Variants in SLC4A4 observed in about 807,000 individuals in gnomAD.
SLC4A4 encodes the protein electrogenic sodium bicarbonate cotransporter 1.
SLC4A4 carries 27 observed loss-of-function variants against 111.5 expected under a neutral mutation model. The observed-to-expected ratio is 0.24, with a 90% CI of 0.18 to 0.33. SLC4A4 has a LOEUF of 0.33. Ranked by LOEUF, SLC4A4 falls within the 10% of genes least tolerant of loss-of-function variation. SLC4A4 has a pLI of 1.00. For missense variants in SLC4A4, 909 were observed against 1,315.5 expected (o/e 0.69, Z 4.78); for synonymous variants, 443 against 463.4 (o/e 0.96, Z 0.57).
At chr4:71,508,271 C>T (rs1482966125) in intron 16 of SLC4A4, among the ~76,000 whole-genome samples, 1 of 151,918 alleles carries the variant, frequency 6.6e-6, no homozygotes, top group Non-Finnish European at 1.5e-5. Flanking sequence ...CATGAAAAAC[C>T]CTTCAAAAGA....
At chr4:71,512,159 A>G (rs1427804599) in intron 16 of SLC4A4, among the ~76,000 whole-genome samples, 2 of 152,142 alleles carry the variant, frequency 1.3e-5, no homozygotes, top group East Asian at 3.9e-4. Flanking sequence ...TTGCTGGATC[A>G]AGTGGCAATT....
At chr4:71,080,789 A>G (rs1192371683) in intron 1 of SLC4A4, among the ~76,000 whole-genome samples, 3 of 152,064 alleles carry the variant, frequency 2.0e-5, no homozygotes, top group African/African-American at 7.3e-5. Flanking sequence ...TGCTTTAGGT[A>G]TGCTGTAACC....
intron 2 of SLC4A4, among the ~76,000 whole-genome samples, chr4:71,154,914 GA>G (rs1578531406): frequency 6.6e-6 from 1 of 151,902 alleles, no homozygotes; most frequent in Non-Finnish European, 1.5e-5. Flanking sequence ...ATTTAAAAAT[GA>G]AAAAAAGAAA....
At chr4:71,432,331 T>G (rs187151754) in intron 7 of SLC4A4, among the ~76,000 whole-genome samples, 2 of 152,236 alleles carry the variant, frequency 1.3e-5, no homozygotes, top group Non-Finnish European at 2.9e-5. Context: ...GGAGAGAGTT[T>G]GAGGAAGATT....
Position 71,570,339 on chromosome 4 carries a change from A to C in SLC4A4, c.*2588A>C, listed in dbSNP as rs2149264706. ...GAATAGTACCTTACATTTGCTAAAC[A>C]GACAGTTAATATCAAATCCTTTCAA... On this transcript the variant is annotated 3_prime_UTR_variant, in exon 26 of 26. Coordinates refer to ENST00000264485, the MANE Select transcript of SLC4A4 (RefSeq NM_001098484.3). 6.6e-6 allele frequency: 1 copy of C among 151,236 alleles called. No individual in the cohort carries two copies. Among genetic ancestry groups the C allele is most frequent in the Middle Eastern group, 3.4e-3 (1 of 294 alleles). The allele number at this position is 151,236 out of a possible 1,614,324, so 9.4% of individuals were successfully genotyped here.
In SLC4A4 at chr4:71,535,431, T is replaced by C. The variant is rs555550574; in HGVS notation, c.2442+1043T>C. On this transcript the variant is annotated intron_variant, in intron 18 of 25. Coordinates refer to ENST00000264485, the MANE Select transcript of SLC4A4 (RefSeq NM_001098484.3). ...GGTAAGAAAGGAGTAAATCCCATAATAATAAGACCAGGAGAAGAAAATTAA... is the reference window on the plus strand; with the variant it reads ...GGTAAGAAAGGAGTAAATCCCATAACAATAAGACCAGGAGAAGAAAATTAA... Among the ~76,000 whole-genome samples the C allele has an allele frequency of 3.9e-5, 6 of 152,170 alleles. No homozygotes were observed. The East Asian group carries it at 1.2e-3, about 29-fold the overall frequency.
At chr4:71,252,322 T>C (rs1250611988) in intron 2 of SLC4A4, among the ~76,000 whole-genome samples, 1 of 152,144 alleles carries the variant, frequency 6.6e-6, no homozygotes, top group East Asian at 1.9e-4. Context: ...TATTACCCCA[T>C]CCACCAAAGC....
In SLC4A4 at chr4:71,399,171, C is replaced by T. The variant is rs559109812; in HGVS notation, c.807+1518C>T. ...TTTATATCAGAGTCTTTAGCATTGTCCAATTTTGTTATCTGATGGAGGTTG... is the reference window on the plus strand; with the variant it reads ...TTTATATCAGAGTCTTTAGCATTGTTCAATTTTGTTATCTGATGGAGGTTG... On this transcript the variant is annotated intron_variant, in intron 7 of 25. Coordinates refer to ENST00000264485, the MANE Select transcript of SLC4A4 (RefSeq NM_001098484.3). Among the ~76,000 whole-genome samples the T allele has an allele frequency of 2.6e-5, 4 of 152,182 alleles. No homozygotes were observed. In the East Asian group the frequency reaches 7.7e-4, roughly 29 times the overall value.
chr4:71,215,412 G>A (rs182471027), intron 1 of SLC4A4, among the ~76,000 whole-genome samples: 163 of 152,240 alleles, frequency 1.1e-3, no homozygotes, highest in Non-Finnish European at 1.9e-3. Flanking sequence ...ACCATTTCAA[G>A]CACTATTCAT....
At position 71,351,460 on chromosome 4, in the gene SLC4A4, C is replaced by T. The variant is rs1729824328; in HGVS notation, c.550+1388C>T. Among the ~76,000 whole-genome samples, 3 of 152,108 alleles carry T rather than the reference C, an allele frequency of 2.0e-5. No homozygotes were observed. In the South Asian group the frequency reaches 6.2e-4, roughly 32 times the overall value. On this transcript the variant is annotated intron_variant, in intron 5 of 25. Transcript: ENST00000264485. ...GTCTGGACTTCCAGTCCAATATAAC[C>T]AAGGATGGATGAATAAAGAGACTCC...
chr4:71,132,733 G>T (rs896557856), intron 2 of SLC4A4, among the ~76,000 whole-genome samples: 2 of 152,204 alleles, frequency 1.3e-5, no homozygotes, highest in African/African-American at 2.4e-5. Flanking sequence ...AGCTTTACCA[G>T]CTGTGTGCCT....
At position 71,107,592 on chromosome 4, in the gene SLC4A4, C is replaced by T. The variant is rs537997244; in HGVS notation, c.-2+14800C>T. Among the ~76,000 whole-genome samples, 29 of 152,212 alleles carry T rather than the reference C, an allele frequency of 1.9e-4. 1 individual carries two copies. Among genetic ancestry groups the T allele is most frequent in the African/African-American group, 2.6e-4 (11 of 41,544 alleles). ...CTCAAACTCCCGACCTCAAATGATACGCTGCCTCGGCCTCTCAAAGTGCCG... is the reference window on the plus strand; with the variant it reads ...CTCAAACTCCCGACCTCAAATGATATGCTGCCTCGGCCTCTCAAAGTGCCG... On this transcript the variant is annotated intron_variant, in intron 2 of 26. Transcript: ENST00000649996.
At chr4:71,142,060 G>A (rs1216884388) in intron 2 of SLC4A4, among the ~76,000 whole-genome samples, 1 of 152,202 alleles carries the variant, frequency 6.6e-6, no homozygotes. Flanking sequence ...AACTTTTTGT[G>A]TATGTGTGTG....
intron 18 of SLC4A4, among the ~76,000 whole-genome samples, chr4:71,535,592 T>C (rs765046832): frequency 6.6e-6 from 1 of 152,072 alleles, no homozygotes; most frequent in Non-Finnish European, 1.5e-5. Context: ...ACTTGTAAGT[T>C]AGAGTAATGT....
chr4:71,540,073 A>G (rs1734905143), intron 18 of SLC4A4, among the ~76,000 whole-genome samples: 1 of 152,182 alleles, frequency 6.6e-6, no homozygotes, highest in African/African-American at 2.4e-5. Context: ...ACCTCTTTGA[A>G]TCTCTATTCA....
At chr4:71,445,354 T>C (rs1384647399) in intron 8 of SLC4A4, among the ~76,000 whole-genome samples, 1 of 152,178 alleles carries the variant, frequency 6.6e-6, no homozygotes, top group Non-Finnish European at 1.5e-5. Flanking sequence ...TTGGCTTTGT[T>C]GCTATATAGT....
At chr4:71,482,141 GA>G (rs1728942019) in intron 14 of SLC4A4, among the ~76,000 whole-genome samples, 1 of 151,606 alleles carries the variant, frequency 6.6e-6, no homozygotes, top group African/African-American at 2.4e-5. Context: ...TTCCAATTGG[GA>G]TTGATCATTT....
At chr4:71,165,519 C>T (rs1200485409) in intron 2 of SLC4A4, among the ~76,000 whole-genome samples, 1 of 151,912 alleles carries the variant, frequency 6.6e-6, no homozygotes, top group Non-Finnish European at 1.5e-5. Flanking sequence ...CACATGGACA[C>T]AGGGAGGCGA....
intron 2 of SLC4A4, among the ~76,000 whole-genome samples, chr4:71,156,484 C>T (rs1274652608): frequency 6.8e-6 from 1 of 148,060 alleles, no homozygotes; most frequent in Non-Finnish European, 1.5e-5. Flanking sequence ...CTACAATTGA[C>T]TCTGATACAA....
Sources: allele counts gnomAD v4.1 joint callset (sites outside exome capture counted in the v4.1 genomes callset), GRCh38; gene constraint gnomAD v4.1.1; transcripts MANE v1.5; gene names NCBI Gene and HGNC (gene_info 2026-07-23, HGNC 2026-07-21).